NCKAP5: variants seen among roughly 807,000 people sequenced by gnomAD.
The protein encoded by NCKAP5 is NCK associated protein 5.
NCKAP5 carries 92 observed loss-of-function variants against 167.0 expected under a neutral mutation model. That is an observed-to-expected ratio of 0.55 (90% CI 0.47 to 0.66). The LOEUF (loss-of-function observed/expected upper bound fraction) is 0.66, where lower values mean the gene tolerates loss of function less well. NCKAP5 is among the 30% of genes least tolerant of loss of function. The probability of loss-of-function intolerance (pLI) is 0.00; values close to 1 mark genes in which losing one functional copy is unlikely to be tolerated. For missense variants in NCKAP5, 2,378 were observed against 2,315.0 expected (o/e 1.03, Z -0.56); for synonymous variants, 891 against 877.4 (o/e 1.02, Z -0.27).
At chr2:132,917,395 G>T (rs1015124315) in intron 8 of NCKAP5, among the ~76,000 whole-genome samples, 7 of 152,122 alleles carry the variant, frequency 4.6e-5, no homozygotes, top group Admixed American at 4.6e-4. Flanking sequence ...TACAGAAGAG[G>T]GCATTAAAAT....
rs1269208475 is a variant in NCKAP5 at position 132,796,762 on chromosome 2, G to A, written c.808-33C>T. ...AAACCAAGCAGAAACATTGAATAGCGATAATTTAATTATTTGTCTCAAAAT... is the reference window on the plus strand; with the variant it reads ...AAACCAAGCAGAAACATTGAATAGCAATAATTTAATTATTTGTCTCAAAAT... On this transcript the variant is annotated intron_variant, in intron 11 of 19. Coordinates refer to ENST00000409261, the MANE Select transcript of NCKAP5 (RefSeq NM_207363.3). 7 of 1,392,768 alleles carry A rather than the reference G, an allele frequency of 5.0e-6. No homozygotes were observed. The East Asian group carries it at 1.2e-4, about 23-fold the overall frequency. 86.3% of individuals were successfully genotyped at this position (1,392,768 alleles called of 1,614,324 possible).
At chr2:133,672,025 G>A in the NCKAP5 span, among the ~76,000 whole-genome samples, 4 of 152,108 alleles carry the variant, frequency 2.6e-5, no homozygotes, top group Non-Finnish European at 4.4e-5. Flanking sequence ...AAATAAACAC[G>A]ATAGGTATTG....
intron 4 of NCKAP5, among the ~76,000 whole-genome samples, chr2:133,232,996 G>C (rs1324500081): frequency 6.6e-6 from 1 of 152,134 alleles, no homozygotes; most frequent in Non-Finnish European, 1.5e-5. Context: ...CTTGCAGAAG[G>C]AGCCACATTA....
At chr2:133,636,641 G>A in the NCKAP5 span, among the ~76,000 whole-genome samples, 1 of 152,126 alleles carries the variant, frequency 6.6e-6, no homozygotes, top group Non-Finnish European at 1.5e-5. Flanking sequence ...TAGCAAAGAA[G>A]GGGAAAATCC....
intron 8 of NCKAP5, among the ~76,000 whole-genome samples, chr2:132,884,861 C>A (rs1692088781): frequency 6.6e-6 from 1 of 152,188 alleles, no homozygotes; most frequent in African/African-American, 2.4e-5. Context: ...CCCACAATAT[C>A]ACGTTGCAAA....
chr2:133,492,758 T>A (rs1681585658), intron 3 of NCKAP5, among the ~76,000 whole-genome samples: 1 of 152,236 alleles, frequency 6.6e-6, no homozygotes, highest in Non-Finnish European at 1.5e-5. Context: ...CAACTCTTGT[T>A]GATCTAATAT....
At chr2:133,366,850 A>G (rs1331260722) in intron 3 of NCKAP5, among the ~76,000 whole-genome samples, 1 of 152,174 alleles carries the variant, frequency 6.6e-6, no homozygotes, top group Admixed American at 6.5e-5. Flanking sequence ...ATTTTAAAGT[A>G]TATGTGTGAC....
intron 4 of NCKAP5, among the ~76,000 whole-genome samples, chr2:133,239,937 T>C (rs1305755012): frequency 6.6e-6 from 1 of 152,104 alleles, no homozygotes; most frequent in African/African-American, 2.4e-5. Flanking sequence ...AATGTCTGAC[T>C]ATCTAACAAT....
Position 133,538,936 on chromosome 2 carries a change from T to A in NCKAP5, c.-62+20114A>T, listed in dbSNP as rs1282929962. ...TTTTTTTGTGGTTTTTTTGGGTTTTTTTTTTTTTTTTTTTTTTTTTTTGAG... is the reference window on the plus strand; with the variant it reads ...TTTTTTTGTGGTTTTTTTGGGTTTTATTTTTTTTTTTTTTTTTTTTTTGAG... On this transcript the variant is annotated intron_variant, in intron 2 of 19. Coordinates refer to ENST00000409261, the MANE Select transcript of NCKAP5 (RefSeq NM_207363.3). Among the ~76,000 whole-genome samples, 3 of 127,544 alleles carry A rather than the reference T, an allele frequency of 2.4e-5. No homozygotes were observed. In the South Asian group the frequency reaches 8.2e-4, roughly 35 times the overall value. 83.7% of individuals were successfully genotyped at this position (127,544 alleles called of 152,430 possible).
chr2:133,569,259 G>C (rs1688763617), upstream of NCKAP5, among the ~76,000 whole-genome samples: 1 of 151,848 alleles, frequency 6.6e-6, no homozygotes, highest in South Asian at 2.1e-4. Context: ...GGTTCTTATA[G>C]TTTTTACAGT....
intron 4 of NCKAP5, among the ~76,000 whole-genome samples, chr2:133,285,104 C>A (rs1455760713): frequency 6.6e-6 from 1 of 152,146 alleles, no homozygotes. Context: ...CTAACAGGCC[C>A]CCTTCAGAAT....
chr2:133,350,420 G>T (rs1273570182), intron 3 of NCKAP5, among the ~76,000 whole-genome samples: 1 of 151,954 alleles, frequency 6.6e-6, no homozygotes, highest in South Asian at 2.1e-4. Context: ...CTCTAAAAAA[G>T]AAATGAAAAT....
intron 19 of NCKAP5, among the ~76,000 whole-genome samples, chr2:132,719,588 T>C (rs1689714867): frequency 6.6e-6 from 1 of 152,142 alleles, no homozygotes; most frequent in Non-Finnish European, 1.5e-5. Flanking sequence ...GCAGTGAGGA[T>C]GATGCATTTA....
chr2:133,494,981 T>A (rs1681808433), intron 3 of NCKAP5, among the ~76,000 whole-genome samples: 1 of 152,140 alleles, frequency 6.6e-6, no homozygotes, highest in Non-Finnish European at 1.5e-5. Context: ...GGAAGCTTCA[T>A]CTGCACAACA....
At chr2:132,972,953 T>G (rs2149242275) in intron 7 of NCKAP5, among the ~76,000 whole-genome samples, 1 of 152,064 alleles carries the variant, frequency 6.6e-6, no homozygotes, top group Admixed American at 6.5e-5. Context: ...CCCATCAGTG[T>G]CCCAAATGAG....
At chr2:133,531,219 CA>C (rs1464462377) in intron 2 of NCKAP5, among the ~76,000 whole-genome samples, 1 of 151,814 alleles carries the variant, frequency 6.6e-6, no homozygotes, top group Non-Finnish European at 1.5e-5. Flanking sequence ...CACAATGACC[CA>C]AATTAATAAA....
intron 8 of NCKAP5, among the ~76,000 whole-genome samples, chr2:132,955,809 G>T (rs1464173512): frequency 1.3e-5 from 2 of 152,074 alleles, no homozygotes; most frequent in Non-Finnish European, 2.9e-5. Flanking sequence ...CCACATCCTT[G>T]CCAGCATCTG....
At chr2:133,391,835 A>G (rs1687431632) in intron 3 of NCKAP5, among the ~76,000 whole-genome samples, 1 of 152,190 alleles carries the variant, frequency 6.6e-6, no homozygotes, top group South Asian at 2.1e-4. Flanking sequence ...CACAAGTGAA[A>G]TTTAAGGTCC....
chr2:133,347,943 GAA>G, intron 3 of NCKAP5, among the ~76,000 whole-genome samples: 1 of 152,144 alleles, frequency 6.6e-6, no homozygotes, highest in African/African-American at 2.4e-5. Flanking sequence ...ATATGTTCTT[GAA>G]CCAAAGTGAC....
Sources: allele counts gnomAD v4.1 joint callset (sites outside exome capture counted in the v4.1 genomes callset), GRCh38; gene constraint gnomAD v4.1.1; transcripts MANE v1.5; gene names NCBI Gene and HGNC (gene_info 2026-07-23, HGNC 2026-07-21).